Variants in ALG14 observed in about 807,000 individuals in gnomAD.
The protein encoded by ALG14 is UDP-N-acetylglucosamine transferase subunit ALG14.
In ALG14, 17 loss-of-function variants were observed where a neutral mutation model predicts 22.8. That is an observed-to-expected ratio of 0.75 (90% CI 0.51 to 1.12). ALG14 has a LOEUF of 1.12. Among genes scored for constraint, ALG14 ranks in the 50% most tolerant of loss-of-function variants. ALG14 has a pLI of 0.00. For missense variants in ALG14, 288 were observed against 271.8 expected (o/e 1.06, Z -0.42); for synonymous variants, 89 against 103.7 (o/e 0.86, Z 0.86).
chr1:95,043,458 T>G (rs1353656716), intron 2 of ALG14, among the ~76,000 whole-genome samples: 1 of 152,118 alleles, frequency 6.6e-6, no homozygotes, highest in African/African-American at 2.4e-5. Context: ...AAAATGTCAA[T>G]AGTGACGAGG....
At chr1:95,042,590 T>C (rs1446268480) in intron 2 of ALG14, among the ~76,000 whole-genome samples, 14 of 152,228 alleles carry the variant, frequency 9.2e-5, no homozygotes, top group Non-Finnish European at 8.8e-5. Flanking sequence ...GGGTGCCCCT[T>C]GTTTTGGTGG....
chr1:95,011,810 T>C (rs1673372339), intron 3 of ALG14, among the ~76,000 whole-genome samples: 1 of 152,248 alleles, frequency 6.6e-6, no homozygotes, highest in Non-Finnish European at 1.5e-5. Flanking sequence ...TTAAGATTCA[T>C]TATTCTTTAT....
At chr1:95,036,687 A>G (rs1674207423) in intron 2 of ALG14, among the ~76,000 whole-genome samples, 1 of 152,000 alleles carries the variant, frequency 6.6e-6, no homozygotes, top group Non-Finnish European at 1.5e-5. Context: ...TCGACCTCCC[A>G]AAGTGCTGGG....
At chr1:95,017,929 G>C (rs1673549146) in intron 3 of ALG14, among the ~76,000 whole-genome samples, 2 of 152,210 alleles carry the variant, frequency 1.3e-5, no homozygotes, top group African/African-American at 4.8e-5. Context: ...TCCCAGCAGA[G>C]GGAGTGGCTT....
At position 95,072,917 on chromosome 1, in the gene ALG14, C is replaced by A; in HGVS notation, c.-19G>T. On this transcript the variant is annotated 5_prime_UTR_variant, in exon 1 of 4. Transcript: ENST00000370205. ...ACACCATGCAGAGAAACGGCGCATG[C>A]GTCCAACTTCCGGGGACCAGCCGCT... The A allele has an allele frequency of 6.2e-7, 1 of 1,613,180 alleles. No individual in the cohort carries two copies. The highest frequency in any genetic ancestry group is 8.5e-7 in the Non-Finnish European group (1 of 1,179,782).
chr1:94,983,785 A>G (rs1672565516), intron 3 of ALG14, among the ~76,000 whole-genome samples: 1 of 151,706 alleles, frequency 6.6e-6, no homozygotes, highest in Non-Finnish European at 1.5e-5. Context: ...TCTGTTGTCC[A>G]GGCTGGAGTG....
At chr1:95,063,179 A>T (rs1675228067) in intron 2 of ALG14, among the ~76,000 whole-genome samples, 1 of 152,188 alleles carries the variant, frequency 6.6e-6, no homozygotes, top group African/African-American at 2.4e-5. Flanking sequence ...AGTTCCTTGT[A>T]GACTCTGTAT....
chr1:95,049,436 G>A (rs1674671057), intron 2 of ALG14, among the ~76,000 whole-genome samples: 1 of 152,124 alleles, frequency 6.6e-6, no homozygotes, highest in Non-Finnish European at 1.5e-5. Flanking sequence ...TCAGGAGACT[G>A]AGGTGGGAGA....
intron 2 of ALG14, among the ~76,000 whole-genome samples, chr1:95,064,400 T>C (rs1186539045): frequency 1.3e-5 from 2 of 152,238 alleles, no homozygotes; most frequent in African/African-American, 4.8e-5. Flanking sequence ...CCATTCAGTA[T>C]GATATTGGCT....
At chr1:95,023,954 C>T (rs947931030) in intron 3 of ALG14, among the ~76,000 whole-genome samples, 8 of 152,272 alleles carry the variant, frequency 5.3e-5, no homozygotes, top group Non-Finnish European at 8.8e-5. Flanking sequence ...CCATGGAAAA[C>T]GCAAAAATAC....
At chr1:95,051,194 C>A (rs1185796122) in intron 2 of ALG14, among the ~76,000 whole-genome samples, 2 of 148,716 alleles carry the variant, frequency 1.3e-5, no homozygotes, top group Non-Finnish European at 3.0e-5. Context: ...AGATAACCCA[C>A]AATTACCCCT....
intron 3 of ALG14, among the ~76,000 whole-genome samples, chr1:95,005,393 T>C (rs918706647): frequency 6.6e-6 from 1 of 152,188 alleles, no homozygotes; most frequent in Admixed American, 6.5e-5. Flanking sequence ...AGTCAGGACA[T>C]GTTTCTAAGC....
chr1:95,039,144 C>A (rs1300153672), intron 2 of ALG14, among the ~76,000 whole-genome samples: 1 of 152,046 alleles, frequency 6.6e-6, no homozygotes, highest in Admixed American at 6.6e-5. Context: ...GTCTTCTTGC[C>A]AGAGGAAGCA....
rs1004760390 is a variant in ALG14 at position 95,066,732 on chromosome 1, GA to G, written c.137-1716del. ...ATTTTAGTATCTTTGGTTTAGCCTC[GA>G]AAAAAAACAAAAAAGTTAGGCCAGG... On this transcript the variant is annotated intron_variant, in intron 1 of 3. Transcript: ENST00000370205. Among the ~76,000 whole-genome samples the G allele has an allele frequency of 2.7e-5, 4 of 150,918 alleles. No homozygotes were observed. In the South Asian group the frequency reaches 6.3e-4, roughly 24 times the overall value.
Position 94,975,124 on chromosome 1 carries a change from A to C in ALG14, c.*7952T>G, listed in dbSNP as rs1403329387. On this transcript the variant is annotated 3_prime_UTR_variant, in exon 4 of 4. Transcript: ENST00000370205. ...AGAACATTTTCATCACCTCCAAAAGAAGCCTCATACCCATTAGGAGTTGCC... is the reference window on the plus strand; with the variant it reads ...AGAACATTTTCATCACCTCCAAAAGCAGCCTCATACCCATTAGGAGTTGCC... The C allele has an allele frequency of 6.6e-6, 1 of 152,254 alleles. No individual in the cohort carries two copies. Among genetic ancestry groups the C allele is most frequent in the Non-Finnish European group, 1.5e-5 (1 of 68,070 alleles). 9.4% of individuals were successfully genotyped at this position (152,254 alleles called of 1,614,324 possible).
chr1:95,002,247 G>A (rs12082888), intron 3 of ALG14, among the ~76,000 whole-genome samples: 26,626 of 152,098 alleles, frequency 0.18, 3,016 homozygotes, highest in East Asian at 0.58. Flanking sequence ...AAGTACCTGG[G>A]GGGGGGAACC....
intron 3 of ALG14, among the ~76,000 whole-genome samples, chr1:94,991,583 A>C (rs1672773612): frequency 6.6e-6 from 1 of 152,190 alleles, no homozygotes; most frequent in Non-Finnish European, 1.5e-5. Flanking sequence ...TAGGAATGGA[A>C]GTTGCTCTAG....
intron 3 of ALG14, among the ~76,000 whole-genome samples, chr1:94,988,805 C>T (rs1391038728): frequency 6.6e-6 from 1 of 151,932 alleles, no homozygotes; most frequent in Non-Finnish European, 1.5e-5. Context: ...AAAGTTTGCC[C>T]CTCTTTTAAA....
intron 1 of ALG14, among the ~76,000 whole-genome samples, chr1:95,070,236 C>G (rs2100851659): frequency 6.6e-6 from 1 of 152,246 alleles, no homozygotes; most frequent in South Asian, 2.1e-4. Flanking sequence ...ACCCTTTTGT[C>G]CAGTCATAAT....
Sources: allele counts gnomAD v4.1 joint callset (sites outside exome capture counted in the v4.1 genomes callset), GRCh38; gene constraint gnomAD v4.1.1; transcripts MANE v1.5; gene names NCBI Gene and HGNC (gene_info 2026-07-23, HGNC 2026-07-21).